Variants in CSNK2A2 observed in about 807,000 individuals in gnomAD.
CSNK2A2 encodes casein kinase II subunit alpha'.
Under a neutral mutation model 54.0 loss-of-function variants are expected in CSNK2A2, and 8 were observed. The observed-to-expected ratio is 0.15, with a 90% CI of 0.09 to 0.27. CSNK2A2 has a LOEUF of 0.27. Ranked by LOEUF, CSNK2A2 falls within the 10% of genes least tolerant of loss-of-function variation. The pLI, the probability that CSNK2A2 is intolerant of heterozygous loss-of-function variation, is 1.00. For synonymous variants in CSNK2A2, 141 were observed against 153.9 expected, an observed-to-expected ratio of 0.92 and a Z score of 0.62; for missense variants, 242 against 439.4, an observed-to-expected ratio of 0.55 and a Z score of 4.02.
chr16:58,174,772 C>G (rs1961832891), intron 4 of CSNK2A2, among the ~76,000 whole-genome samples: 1 of 152,152 alleles, frequency 6.6e-6, no homozygotes, highest in African/African-American at 2.4e-5. Context: ...CTATTTAATG[C>G]TCTGTGATTT....
chr16:58,192,650 C>T (rs1342655091), intron 2 of CSNK2A2: 1 of 152,196 alleles, frequency 6.6e-6, no homozygotes, highest in African/African-American at 2.4e-5. Context: ...AGAAAAATAA[C>T]TCCAAAAATC....
chr16:58,161,960 A>T (rs1961390962), intron 11 of CSNK2A2: 1 of 152,166 alleles, frequency 6.6e-6, no homozygotes, highest in African/African-American at 2.4e-5. Flanking sequence ...GAGGTCAATC[A>T]CCTGACTATT....
rs371037681 is a variant in CSNK2A2, at chr16:58,186,739, A to C, written c.318+16T>G. ...CCCGGTCTACTAGTATACTCCCCCAACCATTTGGCACCTACCACGGGGTCC... is the reference window on the plus strand; with the variant it reads ...CCCGGTCTACTAGTATACTCCCCCACCCATTTGGCACCTACCACGGGGTCC... On this transcript the variant is annotated intron_variant, in intron 3 of 11. Coordinates refer to ENST00000262506, the MANE Select transcript of CSNK2A2 (RefSeq NM_001896.4). 2 of 1,603,792 alleles carry C rather than the reference A, an allele frequency of 1.2e-6. No homozygotes were observed. The highest frequency in any genetic ancestry group is 2.2e-5 in the East Asian group (1 of 44,758).
At chr16:58,186,375 G>C (rs1282975774) in intron 3 of CSNK2A2, among the ~76,000 whole-genome samples, 2 of 152,172 alleles carry the variant, frequency 1.3e-5, no homozygotes, top group African/African-American at 4.8e-5. Context: ...TTCTTTCCTT[G>C]TGTAAACCCA....
At chr16:58,178,341 T>C (rs934908392) in intron 4 of CSNK2A2, among the ~76,000 whole-genome samples, 2 of 150,316 alleles carry the variant, frequency 1.3e-5, no homozygotes, top group Admixed American at 1.3e-4. Context: ...TGGAGTGCAA[T>C]GGCAAGATCT....
At chr16:58,184,570 T>C (rs557456242) in intron 3 of CSNK2A2, among the ~76,000 whole-genome samples, 1 of 152,320 alleles carries the variant, frequency 6.6e-6, no homozygotes, top group African/African-American at 2.4e-5. Flanking sequence ...ACTGCTAAAG[T>C]TGGGTCATGT....
chr16:58,171,002 C>A (rs986990865), intron 5 of CSNK2A2, among the ~76,000 whole-genome samples: 1 of 152,026 alleles, frequency 6.6e-6, no homozygotes, highest in African/African-American at 2.4e-5. Flanking sequence ...ACCACTAGAG[C>A]CCCCCTCCAG....
rs189549823 is a variant in CSNK2A2, at chr16:58,196,350, C to G, written c.216+383G>C. The stretch of plus-strand genomic sequence containing the variant: ...GTCGGCTGGGCACAGTGGCTCACGC[C>G]TCTAATCCCAGCAACTATAGGAGGC... On this transcript the variant is annotated intron_variant, in intron 2 of 11. Coordinates refer to ENST00000262506, the MANE Select transcript of CSNK2A2 (RefSeq NM_001896.4). 4.6e-5 allele frequency among the ~76,000 whole-genome samples: 7 copies of G among 152,294 alleles called. No homozygotes were observed. In the East Asian group the frequency reaches 1.4e-3, roughly 29 times the overall value.
At chr16:58,182,755 G>A (rs13338596) in intron 4 of CSNK2A2, among the ~76,000 whole-genome samples, 1 of 152,140 alleles carries the variant, frequency 6.6e-6, no homozygotes, top group Non-Finnish European at 1.5e-5. Flanking sequence ...GGTTTTCTAA[G>A]ACATGCACAC....
At position 58,197,006 on chromosome 16, in the gene CSNK2A2, G is replaced by A. The variant is rs543481215; in HGVS notation, c.105-162C>T. 1 of 636,288 alleles carries A rather than the reference G, an allele frequency of 1.6e-6. No homozygotes were observed. The highest frequency in any genetic ancestry group is 2.8e-5 in the East Asian group (1 of 35,526). 39.4% of individuals were successfully genotyped at this position (636,288 alleles called of 1,614,324 possible). A position where few individuals can be genotyped will look rare whatever the true frequency, so the allele number is the denominator to read the frequency against. On this transcript the variant is annotated intron_variant, in intron 1 of 11. Coordinates refer to ENST00000262506, the MANE Select transcript of CSNK2A2 (RefSeq NM_001896.4). This position sits in a 1 kb window ranked among gnomAD's most constrained non-coding sequence, Gnocchi z 4.0. ...AAATGAAAGCCACGACATAATCTTG[G>A]CTCCCTTCACTCTGCAGAGCTCCTA...
At position 58,168,979 on chromosome 16, in the gene CSNK2A2, T is replaced by G. The variant is rs1016289069; in HGVS notation, c.430-286A>C. ...TCTTGCTCTGTCGCCCAGGCTGGAGTGCAGTGGTGCAATCTCGGCTCACTG... is the reference window on the plus strand; with the variant it reads ...TCTTGCTCTGTCGCCCAGGCTGGAGGGCAGTGGTGCAATCTCGGCTCACTG... On this transcript the variant is annotated intron_variant, in intron 5 of 11. Transcript: ENST00000262506. Among the ~76,000 whole-genome samples, 10 of 151,016 alleles carry G rather than the reference T, an allele frequency of 6.6e-5. 1 individual carries two copies. In the Admixed American group the frequency reaches 6.6e-4, roughly 10 times the overall value.
intron 5 of CSNK2A2, among the ~76,000 whole-genome samples, chr16:58,169,508 C>CGACAGATAAAAA (rs1961674850): frequency 6.6e-6 from 1 of 151,984 alleles, no homozygotes; most frequent in African/African-American, 2.4e-5. Context: ...CCAGCCTGGG[C>CGACAGATAAAAA]AAGAAAGGCG....
intron 2 of CSNK2A2, among the ~76,000 whole-genome samples, chr16:58,188,798 G>C (rs910243791): frequency 2.6e-5 from 4 of 152,168 alleles, no homozygotes; most frequent in Non-Finnish European, 5.9e-5. Flanking sequence ...ATAGGTGTGT[G>C]TATATGTACA....
chr16:58,192,385 T>TA (rs1254136574), intron 2 of CSNK2A2, among the ~76,000 whole-genome samples: 1 of 151,744 alleles, frequency 6.6e-6, no homozygotes, highest in African/African-American at 2.4e-5. Context: ...ATAAAACTAT[T>TA]AAACTATTAA....
chr16:58,171,979 A>ATATATTTTTTT (rs1261137669), intron 5 of CSNK2A2, among the ~76,000 whole-genome samples: 2 of 66,184 alleles, frequency 3.0e-5, no homozygotes, highest in Non-Finnish European at 2.5e-5. Context: ...ATATATATAT[A>ATATATTTTTTT]TTTTTTTTTT....
At chr16:58,166,440 A>C (rs2142411080) in intron 9 of CSNK2A2, 144 bp downstream of exon 9, 1 of 530,564 alleles carries the variant, frequency 1.9e-6, no homozygotes, top group East Asian at 2.8e-5. Context: ...ATATCTCAAT[A>C]AGTTAAAAGA....
chr16:58,194,117 A>T (rs914770459), intron 2 of CSNK2A2, among the ~76,000 whole-genome samples: 3 of 152,238 alleles, frequency 2.0e-5, no homozygotes, highest in Non-Finnish European at 4.4e-5. Flanking sequence ...TGTCCTCAAG[A>T]AAGCCACCCT....
chr16:58,183,878 T>C (rs1488507372), intron 4 of CSNK2A2, among the ~76,000 whole-genome samples: 2 of 152,222 alleles, frequency 1.3e-5, no homozygotes, highest in Admixed American at 1.3e-4. Context: ...CTGAATCCAA[T>C]GCATTGCTTC....
In CSNK2A2 at chr16:58,167,724, T is replaced by C. The variant is rs2292027; in HGVS notation, c.585A>G (p.Ser195=). Residue 195 remains serine (S), a synonymous_variant, in exon 7 of 12, where the codon TCA becomes TCG. Coordinates refer to ENST00000262506, the MANE Select transcript of CSNK2A2 (RefSeq NM_001896.4). The stretch of plus-strand genomic sequence containing the variant: ...GGAGCTCTGGTCCCTTGAAGTACCT[T>C]GAGGCTACACGAACATTGTACTCCT... ...PAQEYNVRVA[S]RYFKGPELLV... 2,559 of 1,614,070 alleles carry C rather than the reference T, an allele frequency of 1.6e-3. 51 individuals carry two copies. In the East Asian group the frequency reaches 0.047, roughly 29 times the overall value.
Sources: allele counts gnomAD v4.1 joint callset (sites outside exome capture counted in the v4.1 genomes callset), GRCh38; gene constraint gnomAD v4.1.1; non-coding constraint Gnocchi (gnomAD v3.1); transcripts MANE v1.5; gene names NCBI Gene and HGNC (gene_info 2026-07-23, HGNC 2026-07-21).